RICTOR: variants seen among roughly 807,000 people sequenced by gnomAD.
RICTOR encodes RPTOR independent companion of MTOR complex 2.
A neutral mutation model predicts 214.9 loss-of-function variants in RICTOR; 49 were observed. The observed-to-expected ratio is 0.23, with a 90% confidence interval of 0.18 to 0.29. The LOEUF is 0.29. Among genes scored for constraint, RICTOR ranks in the 10% least tolerant of loss-of-function variants. The pLI is 1.00. For synonymous variants in RICTOR, 717 were observed against 711.3 expected, an observed-to-expected ratio of 1.01 and a Z score of -0.13; for missense variants, 1,625 against 2,047.0, an observed-to-expected ratio of 0.79 and a Z score of 3.98.
intron 2 of RICTOR, among the ~76,000 whole-genome samples, chr5:39,042,623 G>GTA (rs1195376631): frequency 6.6e-6 from 1 of 152,100 alleles, no homozygotes; most frequent in Non-Finnish European, 1.5e-5. Context: ...GTTCATACCG[G>GTA]TTTATAATTA....
At chr5:38,975,414 T>C in intron 10 of RICTOR, 123 bp downstream of exon 10, 1 of 683,504 alleles carries the variant, frequency 1.5e-6, no homozygotes, top group East Asian at 2.7e-5. Flanking sequence ...TTGGTTCTAA[T>C]AATAATATAC....
chr5:38,952,545 C>A, intron 29 of RICTOR, 120 bp from the exon 30 acceptor site: 1 of 482,344 alleles, frequency 2.1e-6, no homozygotes. Flanking sequence ...AAAATGGTTG[C>A]GTTTGTGGAA....
intron 2 of RICTOR, among the ~76,000 whole-genome samples, chr5:39,051,427 G>A (rs1757835706): frequency 6.6e-6 from 1 of 152,108 alleles, no homozygotes; most frequent in African/African-American, 2.4e-5. Context: ...CAGCACATCT[G>A]GTATTTGCTT....
At chr5:38,964,490 C>T (rs951356823) in intron 16 of RICTOR, among the ~76,000 whole-genome samples, 1 of 151,780 alleles carries the variant, frequency 6.6e-6, no homozygotes. Flanking sequence ...AGAATTGCTG[C>T]TCATGACATA....
At chr5:39,055,815 A>G (rs919351087) in intron 2 of RICTOR, among the ~76,000 whole-genome samples, 17 of 152,214 alleles carry the variant, frequency 1.1e-4, no homozygotes, top group African/African-American at 3.9e-4. Context: ...GAACAGGGAG[A>G]GTAGTTACGA....
At position 38,950,532 on chromosome 5, in the gene RICTOR, T is replaced by C; in HGVS notation, c.3316A>G (p.Asn1106Asp). 1 of 1,613,274 alleles carries C rather than the reference T, an allele frequency of 6.2e-7. No individual in the cohort carries two copies. ...NRILNSLTLP[N>D]KKHRSSSDPK... ...TCACTGCTACTACGATGTTTTTTGT[T>C]AGGCAAAGTAAGCGAATTTAAGATA... is the stretch of plus-strand genomic sequence containing the variant. Residue 1106 changes from asparagine (N) to aspartate (D), a missense_variant, in exon 31 of 38, where the codon AAC (asparagine) becomes GAC (aspartate). Physicochemically the swap from Asn to Asp is conservative, Grantham distance 23 (BLOSUM62 1). Around this residue, in one of 5 missense-constraint regions of RICTOR, gnomAD observed 1,214 missense variants for 1,470.5 expected, o/e 0.83. Transcript: ENST00000357387.
At chr5:38,965,028 C>A in intron 15 of RICTOR, 136 bp from the exon 16 acceptor site, 1 of 512,290 alleles carries the variant, frequency 2.0e-6, no homozygotes, top group South Asian at 3.3e-5. Flanking sequence ...AACTTATTTT[C>A]CCCAATACAT....
intron 2 of RICTOR, among the ~76,000 whole-genome samples, chr5:39,035,200 CCAGG>C (rs905311126): frequency 4.5e-4 from 68 of 152,272 alleles, no homozygotes; most frequent in African/African-American, 1.6e-3. Context: ...CTGCTGATAC[CCAGG>C]CAAACAGGGT....
intron 2 of RICTOR, among the ~76,000 whole-genome samples, chr5:39,064,058 ATATACT>A (rs1193056511): frequency 1.3e-5 from 2 of 152,336 alleles, no homozygotes; most frequent in African/African-American, 4.8e-5. Flanking sequence ...AATACGAAGA[ATATACT>A]TATATTTAGG....
chr5:39,002,750 CA>C (rs1753737362), intron 4 of RICTOR, 84 bp from the exon 5 acceptor site: 3 of 1,336,704 alleles, frequency 2.2e-6, no homozygotes, highest in South Asian at 1.4e-5. Context: ...ATTCCTCAGC[CA>C]AAATATGCAA....
At chr5:39,024,554 T>C (rs907652395) in intron 2 of RICTOR, among the ~76,000 whole-genome samples, 12 of 152,194 alleles carry the variant, frequency 7.9e-5, no homozygotes, top group African/African-American at 2.7e-4. Context: ...CTAGATAATT[T>C]AGGACCTATG....
At chr5:39,014,248 AT>A (rs1754768798) in intron 3 of RICTOR, among the ~76,000 whole-genome samples, 3 of 152,148 alleles carry the variant, frequency 2.0e-5, no homozygotes, top group Non-Finnish European at 4.4e-5. Flanking sequence ...TAACTGTATA[AT>A]AAATGGCAAA....
rs1440069475 is a variant in RICTOR at position 38,950,178 on chromosome 5, T to C, written c.3670A>G (p.Thr1224Ala). The C allele has an allele frequency of 6.2e-7, 1 of 1,613,588 alleles. No homozygotes were observed. The highest frequency in any genetic ancestry group is 8.5e-7 in the Non-Finnish European group (1 of 1,179,668). The change falls in exon 31 of 38, where the codon ACT becomes GCT. Residue 1224 changes from threonine to alanine, a missense_variant. Physicochemically the swap from Thr to Ala is moderately conservative, Grantham distance 58. Coordinates refer to ENST00000357387, the MANE Select transcript of RICTOR (RefSeq NM_152756.5). ...ATTGAACTTATGCCACTTGTTGTAG[T>C]GTCTGTATTGAAACTTTGGCTACGT... The part of the protein sequence containing the change: ...KIRSQSFNTD[T>A]TTSGISSMSS...
At chr5:39,001,094 T>A (rs1274973712) in intron 5 of RICTOR, among the ~76,000 whole-genome samples, 2 of 152,088 alleles carry the variant, frequency 1.3e-5, no homozygotes, top group African/African-American at 4.8e-5. Context: ...GGATATGGAC[T>A]ATCTTATTCT....
chr5:38,938,499 A>C lies in RICTOR; in HGVS notation c.*3805T>G, dbSNP rs1260052544. On this transcript the variant is annotated 3_prime_UTR_variant, in exon 38 of 38. Transcript: ENST00000357387. ...TTTTTGGCATAAATTATATTTTTGA[A>C]ATTAAATATTCTATAAAGAAAGTAA... The C allele has an allele frequency of 8.6e-6, 2 of 232,414 alleles. No homozygotes were observed. The highest frequency in any genetic ancestry group is 1.2e-4 in the East Asian group (2 of 16,316). 14.4% of individuals were successfully genotyped at this position (232,414 alleles called of 1,614,324 possible).
At chr5:39,017,394 G>A (rs577514007) in intron 3 of RICTOR, among the ~76,000 whole-genome samples, 147 of 152,196 alleles carry the variant, frequency 9.7e-4, no homozygotes, top group African/African-American at 3.4e-3. Context: ...GAACAATGTT[G>A]CGGTCTTAAA....
chr5:39,043,938 T>G (rs1400088354), intron 2 of RICTOR, among the ~76,000 whole-genome samples: 1 of 152,204 alleles, frequency 6.6e-6, no homozygotes, highest in East Asian at 1.9e-4. Context: ...TTGGACTTCT[T>G]AGCCTTCATA....
chr5:39,025,350 TCTG>T (rs1427416040), intron 2 of RICTOR, among the ~76,000 whole-genome samples: 2 of 152,216 alleles, frequency 1.3e-5, no homozygotes, highest in African/African-American at 4.8e-5. Context: ...ATGAGAAATC[TCTG>T]CTTTCTTCTT....
intron 22 of RICTOR, 93 bp downstream of exon 22, chr5:38,959,102 T>C (rs961542277): frequency 1.0e-6 from 1 of 992,516 alleles, no homozygotes; most frequent in East Asian, 2.6e-5. Context: ...TTCCATATCA[T>C]ATTCTTAGAA....
Sources: allele counts gnomAD v4.1 joint callset (sites outside exome capture counted in the v4.1 genomes callset), GRCh38; gene constraint gnomAD v4.1.1; regional missense constraint gnomAD v4.1.1; transcripts MANE v1.5; gene names NCBI Gene and HGNC (gene_info 2026-07-23, HGNC 2026-07-21).